The following SNAPC4 variants were observed in gnomAD, a reference collection of about 807,000 sequenced individuals.
SNAPC4 encodes the protein small nuclear RNA activating complex polypeptide 4.
In SNAPC4, 127 loss-of-function variants were observed where a neutral mutation model predicts 151.3. That is an observed-to-expected ratio of 0.84 (90% CI 0.73 to 0.97). The LOEUF is 0.97. Among genes scored for constraint, SNAPC4 ranks in the 50% least tolerant of loss-of-function variants. SNAPC4 has a pLI of 0.00. For missense variants in SNAPC4, 2,186 were observed against 1,935.0 expected (o/e 1.13, Z -2.43); for synonymous variants, 1,002 against 824.4 (o/e 1.22, Z -3.69).
chr9:136,381,405 G>A lies in SNAPC4; in HGVS notation c.2318-13C>T. ...CTGAGGCCATCCGCTGCGGGCACAG[G>A]GGGATAAGTGGAAAGCAGCCCCAGC... On this transcript the variant is annotated splice_polypyrimidine_tract_variant and intron_variant, in intron 18 of 23. Coordinates refer to ENST00000684778, the MANE Select transcript of SNAPC4 (RefSeq NM_003086.4). The A allele has an allele frequency of 6.2e-7, 1 of 1,610,280 alleles. No individual in the cohort carries two copies. Among genetic ancestry groups the A allele is most frequent in the Non-Finnish European group, 8.5e-7 (1 of 1,177,732 alleles).
At chr9:136,395,223 C>G in intron 5 of SNAPC4, 75 bp downstream of exon 5, 1 of 1,543,536 alleles carries the variant, frequency 6.5e-7, no homozygotes, top group Non-Finnish European at 8.8e-7. Context: ...CGACTCCCTG[C>G]AGCAGGACTT....
At chr9:136,394,769 G>C (rs1564394770) in intron 6 of SNAPC4, 31 bp downstream of exon 6, 1 of 1,603,574 alleles carries the variant, frequency 6.2e-7, no homozygotes, top group Admixed American at 1.7e-5. Flanking sequence ...CCCAAGCTCA[G>C]GGGTGCCGCA....
Position 136,377,955 on chromosome 9 carries a change from C to A in SNAPC4, c.3872G>T (p.Gly1291Val), listed in dbSNP as rs1481865969. 1 of 1,601,964 alleles carries A rather than the reference C, an allele frequency of 6.2e-7. No homozygotes were observed. The highest frequency in any genetic ancestry group is 2.2e-5 in the East Asian group (1 of 44,630). Reference protein sequence around the residue: ...ATQQWLGGQRGVRVPLLGSRL... With the variant: ...ATQQWLGGQRVVRVPLLGSRL... The stretch of plus-strand genomic sequence containing the variant: ...GCTGCCCAGAAGAGGCACACGCACC[C>A]CCCGCTGGCCCCCCAGCCACTGCTG... Residue 1291 changes from glycine (G) to valine (V), a missense_variant, in exon 22 of 24, where the codon GGG becomes GTG. By Grantham distance (109) the Gly-to-Val change is moderately radical. Coordinates refer to ENST00000684778, the MANE Select transcript of SNAPC4 (RefSeq NM_003086.4).
At position 136,381,397 on chromosome 9, in the gene SNAPC4, G is replaced by A. The variant is rs368462964; in HGVS notation, c.2318-5C>T. On this transcript the variant is annotated splice_polypyrimidine_tract_variant and splice_region_variant and intron_variant, in intron 18 of 23. Transcript: ENST00000684778. ...GCTGCTCCCTGAGGCCATCCGCTGC[G>A]GGCACAGGGGGATAAGTGGAAAGCA... 140 of 1,611,516 alleles carry A rather than the reference G, an allele frequency of 8.7e-5. 1 individual carries two copies. Among genetic ancestry groups the A allele is most frequent in the East Asian group, 6.0e-4 (27 of 44,876 alleles).
chr9:136,388,666 GGGCACA>G, intron 10 of SNAPC4, 75 bp from the exon 11 acceptor site: 2 of 1,572,360 alleles, frequency 1.3e-6, no homozygotes, highest in Non-Finnish European at 1.7e-6. Flanking sequence ...GAGTGCCCCA[GGGCACA>G]GGTGGGCCCA....
chr9:136,377,994 C>T lies in SNAPC4; in HGVS notation c.3833G>A (p.Gly1278Asp), dbSNP rs575067619. 1.0e-5 allele frequency: 16 copies of T among 1,602,198 alleles called. No homozygotes were observed. Among genetic ancestry groups the T allele is most frequent in the Non-Finnish European group, 1.2e-5 (14 of 1,175,174 alleles). ...ALDLGLLSQE[G>D]EAATQQWLGG... ...CAGCCACTGCTGTGTGGCCGCCTCG[C>T]CCTCCTGGGACAGCAGGCCCAGGTC... Residue 1278 changes from glycine to aspartate, a missense_variant, in exon 22 of 24, where the codon GGC (glycine) becomes GAC (aspartate). By Grantham distance (94) the Gly-to-Asp change is moderately conservative (BLOSUM62 -1). Transcript: ENST00000684778.
chr9:136,394,465 G>A (rs965709773), intron 6 of SNAPC4, 135 bp from the exon 7 acceptor site: 27 of 766,556 alleles, frequency 3.5e-5, no homozygotes, highest in East Asian at 7.6e-5. Context: ...ACCTACTGAC[G>A]TGGCCCCTCC....
intron 22 of SNAPC4, among the ~76,000 whole-genome samples, chr9:136,376,973 G>C (rs926956528): frequency 3.3e-5 from 5 of 152,206 alleles, no homozygotes; most frequent in African/African-American, 1.2e-4. Flanking sequence ...CCTCCCAGCT[G>C]CTGCAAGTGG....
Position 136,381,379 on chromosome 9 carries a change from CCT to C in SNAPC4, c.2329_2330del (p.Arg777GlyfsTer262), listed in dbSNP as rs752420242. ...CCAGGCGGGCCTGCTGCAGCTGCTC[CCT>C]GAGGCCATCCGCTGCGGGCACAGGG... ...AVVQTQADGL[R>X]EQLQQARLAS... On this transcript the variant is annotated frameshift_variant, in exon 19 of 24. Coordinates refer to ENST00000684778, the MANE Select transcript of SNAPC4 (RefSeq NM_003086.4). LOFTEE classifies it high-confidence loss of function. 19 of 1,612,670 alleles carry C rather than the reference CCT, an allele frequency of 1.2e-5. No individual in the cohort carries two copies. Among genetic ancestry groups the C allele is most frequent in the East Asian group, 1.1e-4 (5 of 44,884 alleles).
Position 136,383,342 on chromosome 9 carries a change from G to A in SNAPC4, c.1827C>T (p.Gly609=), listed in dbSNP as rs899082083. The stretch of plus-strand genomic sequence containing the variant: ...CTGTGGTGGAAGCTTCCTTGCTGCC[G>A]CCCTGGCTGGCACTGGACCCCTTGG... ...SPPKGSSASQ[G]GSKEASTTAA... is the part of the protein sequence containing the mutation. Residue 609 remains glycine, a synonymous_variant, in exon 16 of 24, where the codon GGC becomes GGT. Coordinates refer to ENST00000684778, the MANE Select transcript of SNAPC4 (RefSeq NM_003086.4). The surrounding 1 kb of genome is among the most constrained non-coding windows in gnomAD (Gnocchi z 4.2). 14 of 1,608,940 alleles carry A rather than the reference G, an allele frequency of 8.7e-6. No homozygotes were observed. The highest frequency in any genetic ancestry group is 1.7e-5 in the Admixed American group (1 of 59,584).
chr9:136,390,055 T>C (rs1039218792), intron 10 of SNAPC4, among the ~76,000 whole-genome samples: 12 of 152,000 alleles, frequency 7.9e-5, no homozygotes, highest in Middle Eastern at 3.4e-3. Flanking sequence ...AAAACCGGAC[T>C]TACAGTTTCA....
In SNAPC4 at chr9:136,383,062, A is replaced by AAGT. The variant is rs767107161; in HGVS notation, c.1983+121_1983+123dup. 43 of 1,402,080 alleles carry AAGT rather than the reference A, an allele frequency of 3.1e-5. No individual in the cohort carries two copies. Among genetic ancestry groups the AAGT allele is most frequent in the Non-Finnish European group, 3.9e-5 (42 of 1,071,752 alleles). 86.9% of individuals were successfully genotyped at this position (1,402,080 alleles called of 1,614,324 possible). A position where few individuals can be genotyped will look rare whatever the true frequency, so the allele number is the denominator to read the frequency against. On this transcript the variant is annotated intron_variant, in intron 16 of 23. Coordinates refer to ENST00000684778, the MANE Select transcript of SNAPC4 (RefSeq NM_003086.4). This position sits in a 1 kb window ranked among gnomAD's most constrained non-coding sequence, Gnocchi z 4.2. Reference sequence around the variant, plus strand: ...GCACAGCTGTCCAGAGCTCAGCCAGAAGTAGCACGTTCTGATGCACACGAA... The same window carrying AAGT: ...GCACAGCTGTCCAGAGCTCAGCCAGAAGTAGTAGCACGTTCTGATGCACACGAA...
chr9:136,377,875 G>A lies in SNAPC4; in HGVS notation c.3952C>T (p.Leu1318=), dbSNP rs1338706181. The A allele has an allele frequency of 2.5e-6, 4 of 1,611,388 alleles. No individual in the cohort carries two copies. In the East Asian group the frequency reaches 6.7e-5, roughly 27 times the overall value. Residue 1318 remains leucine, a synonymous_variant, in exon 22 of 24, where the codon CTA becomes TTA. Coordinates refer to ENST00000684778, the MANE Select transcript of SNAPC4 (RefSeq NM_003086.4). ...LCSLRALSGL[L]LHKKALEHKA... ...TGCTCCAGGGCCTTCTTGTGGAGTAGGAGACCGGACAGAGCTCGCAGGCTG... is the reference window on the plus strand; with the variant it reads ...TGCTCCAGGGCCTTCTTGTGGAGTAAGAGACCGGACAGAGCTCGCAGGCTG...
intron 2 of SNAPC4, 76 bp from the exon 3 acceptor site, chr9:136,397,099 C>A: frequency 7.8e-7 from 1 of 1,285,740 alleles, no homozygotes; most frequent in Non-Finnish European, 1.1e-6. Context: ...ACCACTGCTT[C>A]TTGGGCAGAC....
At chr9:136,380,928 T>A (rs755631997) in intron 19 of SNAPC4, 78 bp from the exon 20 acceptor site, 8 of 844,964 alleles carry the variant, frequency 9.5e-6, no homozygotes, top group Non-Finnish European at 1.6e-5. Context: ...AGGCAGAACC[T>A]GGGGCAGCCC....
intron 13 of SNAPC4, among the ~76,000 whole-genome samples, 163 bp downstream of exon 13, chr9:136,387,322 C>A (rs905268785): frequency 6.6e-6 from 1 of 152,202 alleles, no homozygotes; most frequent in Non-Finnish European, 1.5e-5. Context: ...GGCAAGCAAG[C>A]GCCCACAGCC....
chr9:136,382,321 G>A lies in SNAPC4; in HGVS notation c.1999C>T (p.Leu667=), dbSNP rs1833728665. The change falls in exon 17 of 24, where the codon CTG becomes TTG. Residue 667 remains leucine, a synonymous_variant. Transcript: ENST00000684778. The part of the protein sequence containing the change: ...KQALEGGRRL[L]TVPVETVLRV... ...AGCACGGTCTCCACAGGCACTGTCA[G>A]CAGACGCCTCCCACCCTGATGAGAA... 1 of 1,613,026 alleles carries A rather than the reference G, an allele frequency of 6.2e-7. No individual in the cohort carries two copies. The highest frequency in any genetic ancestry group is 1.7e-5 in the Admixed American group (1 of 59,996).
rs767235523 is a variant in SNAPC4 at position 136,379,072 on chromosome 9, ACGGG to A, written c.2751_2754del (p.Gln920CysfsTer7). 1.3e-6 allele frequency: 2 copies of A among 1,579,472 alleles called. No homozygotes were observed. The highest frequency in any genetic ancestry group is 2.7e-5 in the African/African-American group (2 of 74,544). ...ACAGACGAGGAGACCAGCAGCTGGG[ACGGG>A]AGCACCACCGGGCCCCGGGTGGCCT... On this transcript the variant is annotated frameshift_variant, in exon 22 of 24. Coordinates refer to ENST00000684778, the MANE Select transcript of SNAPC4 (RefSeq NM_003086.4). LOFTEE classifies it high-confidence loss of function.
chr9:136,398,588 G>A, intron 1 of SNAPC4, 151 bp from the exon 2 acceptor site: 1 of 827,228 alleles, frequency 1.2e-6, no homozygotes. Context: ...GCCAGGCACA[G>A]AATCGGGGAA....
Sources: allele counts gnomAD v4.1 joint callset (sites outside exome capture counted in the v4.1 genomes callset), GRCh38; gene constraint gnomAD v4.1.1; non-coding constraint Gnocchi (gnomAD v3.1); transcripts MANE v1.5; gene names NCBI Gene and HGNC (gene_info 2026-07-23, HGNC 2026-07-21).